PCDHGA3: variants seen among roughly 807,000 people sequenced by gnomAD.
PCDHGA3 encodes protocadherin gamma subfamily A, 3, also known as protocadherin gamma-A3.
Under a neutral mutation model 58.5 loss-of-function variants are expected in PCDHGA3, and 40 were observed. The ratio of observed to expected loss-of-function variants is 0.68; its 90% CI spans 0.53 to 0.89. PCDHGA3 has a LOEUF of 0.89. Ranked by LOEUF, PCDHGA3 falls within the 40% of genes least tolerant of loss-of-function variation. The pLI is 0.00. For synonymous variants in PCDHGA3, 530 were observed against 525.7 expected (o/e 1.01, Z -0.11); for missense variants, 1,223 against 1,195.9 (o/e 1.02, Z -0.33).
At chr5:141,362,487 T>A in intron 1 of PCDHGA3, 1 of 1,614,040 alleles carries the variant, frequency 6.2e-7, no homozygotes, top group Non-Finnish European at 8.5e-7. Context: ...TCTGTGACAA[T>A]GCCTCTTGGG....
intron 1 of PCDHGA3, chr5:141,375,541 A>G (rs566370523): frequency 1.2e-6 from 2 of 1,613,786 alleles, no homozygotes; most frequent in South Asian, 2.2e-5. Context: ...AGAACGCCCA[A>G]GTCTCCTACT....
chr5:141,432,415 G>A lies in PCDHGA3; in HGVS notation c.2425-62392G>A, dbSNP rs2097498934. The A allele has an allele frequency of 6.2e-7, 1 of 1,614,112 alleles. No homozygotes were observed. The highest frequency in any genetic ancestry group is 1.1e-5 in the South Asian group (1 of 91,092). On this transcript the variant is annotated intron_variant, in intron 1 of 3. Transcript: ENST00000253812. This position sits in a 1 kb window ranked among gnomAD's most constrained non-coding sequence, Gnocchi z 6.0. ...GCAACGTGTCGTTGAGCCTGTTCGT[G>A]CTGGACCAGAACGACAATGCGCCCG... is the stretch of plus-strand genomic sequence containing the variant.
chr5:141,432,374 C>T lies in PCDHGA3; in HGVS notation c.2425-62433C>T. The T allele has an allele frequency of 6.2e-7, 1 of 1,614,240 alleles. No individual in the cohort carries two copies. The highest frequency in any genetic ancestry group is 1.1e-5 in the South Asian group (1 of 91,082). ...GAAAGTGATGGCGCGGGACAACGGG[C>T]ACCCGCCCCTCAGCAGCAACGTGTC... On this transcript the variant is annotated intron_variant, in intron 1 of 3. Transcript: ENST00000253812. The surrounding 1 kb of genome is among the most constrained non-coding windows in gnomAD (Gnocchi z 6.0).
At chr5:141,371,656 C>T (rs772257649) in intron 1 of PCDHGA3, 6 of 1,613,886 alleles carry the variant, frequency 3.7e-6, no homozygotes, top group African/African-American at 1.3e-5. Context: ...TACAATGTGA[C>T]GATCACAGCT....
rs374575578 is a variant in PCDHGA3 at position 141,409,643 on chromosome 5, T to G, written c.2424+63186T>G. 4.3e-6 allele frequency: 7 copies of G among 1,613,620 alleles called. No homozygotes were observed. The African/African-American group carries it at 8.0e-5, about 18-fold the overall frequency. ...GCAAGTGAGCGCCTCTGACCCGGAT[T>G]TGGGGCTCAATGGCCACATCTCCTA... On this transcript the variant is annotated intron_variant, in intron 1 of 3. Coordinates refer to ENST00000253812, the MANE Select transcript of PCDHGA3 (RefSeq NM_018916.4).
intron 2 of PCDHGA3, among the ~76,000 whole-genome samples, chr5:141,500,815 A>G (rs2099802742): frequency 6.6e-6 from 1 of 152,196 alleles, no homozygotes; most frequent in African/African-American, 2.4e-5. Context: ...ATGAATATAC[A>G]TATTATTTTT....
chr5:141,389,749 G>C (rs1361443182), intron 1 of PCDHGA3: 1 of 1,612,740 alleles, frequency 6.2e-7, no homozygotes, highest in South Asian at 1.1e-5. Context: ...CTGCGCACGG[G>C]CGAAGTGCGC....
chr5:141,486,029 C>G lies in PCDHGA3; in HGVS notation c.2425-8778C>G. Reference sequence around the variant, plus strand: ...CACCTTTTATTTCAGTGGTCATACCCCTGATCGTGTAAGAAACCTCTTTAG... The same window carrying G: ...CACCTTTTATTTCAGTGGTCATACCGCTGATCGTGTAAGAAACCTCTTTAG... On this transcript the variant is annotated intron_variant, in intron 1 of 3. Transcript: ENST00000253812. The surrounding 1 kb of genome is among the most constrained non-coding windows in gnomAD (Gnocchi z 5.0). 6.2e-7 allele frequency: 1 copy of G among 1,614,016 alleles called. No homozygotes were observed. Among genetic ancestry groups the G allele is most frequent in the Non-Finnish European group, 8.5e-7 (1 of 1,179,900 alleles).
At chr5:141,399,662 C>G (rs759226157) in intron 1 of PCDHGA3, 1 of 1,613,666 alleles carries the variant, frequency 6.2e-7, no homozygotes, top group South Asian at 1.1e-5. Context: ...GTGGTGTTCG[C>G]GCAGCGCGCC....
intron 1 of PCDHGA3, chr5:141,391,563 A>T (rs545672465): frequency 5.3e-5 from 8 of 152,322 alleles, no homozygotes; most frequent in Admixed American, 2.0e-4. Context: ...TTCCATATGC[A>T]TAAGAAAATA....
At chr5:141,403,876 T>A (rs1189942027) in intron 1 of PCDHGA3, 3 of 1,613,702 alleles carry the variant, frequency 1.9e-6, no homozygotes, top group African/African-American at 1.3e-5. Flanking sequence ...AAAGTCTAGA[T>A]TATGAAGAAT....
chr5:141,375,812 C>G, intron 1 of PCDHGA3: 1 of 1,614,208 alleles, frequency 6.2e-7, no homozygotes, highest in Non-Finnish European at 8.5e-7. Flanking sequence ...TGGCGTGGAG[C>G]TGGCGCCCCG....
chr5:141,361,268 A>G, intron 1 of PCDHGA3: 5 of 1,613,982 alleles, frequency 3.1e-6, no homozygotes, highest in Non-Finnish European at 4.2e-6. Flanking sequence ...GACTCTGGAG[A>G]AAATGGAGAA....
At chr5:141,364,201 G>C (rs1199932362) in intron 1 of PCDHGA3, 1 of 1,146,160 alleles carries the variant, frequency 8.7e-7, no homozygotes, top group Admixed American at 3.2e-5. Context: ...ACACAGACCA[G>C]ACAAGCTCCT....
Position 141,489,640 on chromosome 5 carries a change from G to A in PCDHGA3, c.2425-5167G>A. The A allele has an allele frequency of 1.2e-6, 2 of 1,614,146 alleles. No individual in the cohort carries two copies. Among genetic ancestry groups the A allele is most frequent in the Non-Finnish European group, 1.7e-6 (2 of 1,180,010 alleles). Reference sequence around the variant, plus strand: ...TCTCAATGACAACTCTCCTAGCTTTGCCACCCCTGAGCGAGAGATGCGCAT... The same window carrying A: ...TCTCAATGACAACTCTCCTAGCTTTACCACCCCTGAGCGAGAGATGCGCAT... On this transcript the variant is annotated intron_variant, in intron 1 of 3. Transcript: ENST00000253812. The surrounding 1 kb of genome is among the most constrained non-coding windows in gnomAD (Gnocchi z 4.5).
Position 141,476,369 on chromosome 5 carries a change from G to A in PCDHGA3, c.2425-18438G>A, listed in dbSNP as rs1178923246. 1.9e-6 allele frequency: 3 copies of A among 1,614,098 alleles called. No homozygotes were observed. The African/African-American group carries it at 4.0e-5, about 22-fold the overall frequency. ...CTTTGAGGTGAACCGGGAGACCGGA[G>A]AGATGTTTGTGAACGACCGTCTGGA... On this transcript the variant is annotated intron_variant, in intron 1 of 3. Transcript: ENST00000253812. This position sits in a 1 kb window ranked among gnomAD's most constrained non-coding sequence, Gnocchi z 7.6.
Position 141,404,690 on chromosome 5 carries a change from C to T in PCDHGA3, c.2424+58233C>T, listed in dbSNP as rs199517824. The T allele has an allele frequency of 1.9e-4, 304 of 1,613,808 alleles. 1 individual carries two copies. Among genetic ancestry groups the T allele is most frequent in the Non-Finnish European group, 2.1e-4 (250 of 1,179,844 alleles). On this transcript the variant is annotated intron_variant, in intron 1 of 3. Coordinates refer to ENST00000253812, the MANE Select transcript of PCDHGA3 (RefSeq NM_018916.4). ...TTCTACTGGTGTGGAGCTGGCACCC[C>T]GCTCTGCAGAGCCTGGCTACCTGGT...
chr5:141,393,307 ACTC>A, intron 1 of PCDHGA3: 1 of 1,613,594 alleles, frequency 6.2e-7, no homozygotes, highest in East Asian at 2.2e-5. Flanking sequence ...GTGGGCGTGA[ACTC>A]CCTCCAGAGC....
At chr5:141,501,600 C>G (rs1320824291) in intron 2 of PCDHGA3, among the ~76,000 whole-genome samples, 1 of 152,040 alleles carries the variant, frequency 6.6e-6, no homozygotes, top group Admixed American at 6.6e-5. Flanking sequence ...TCTACCAGTT[C>G]CAGCTGTGTG....
Sources: gnomAD v4.1 joint callset for allele counts (sites outside exome capture counted in the v4.1 genomes callset) on GRCh38, gnomAD v4.1.1 for gene constraint, Gnocchi (gnomAD v3.1) non-coding constraint, MANE v1.5 for transcripts, NCBI Gene and HGNC (gene_info 2026-07-23, HGNC 2026-07-21) for gene names.